Variants in JAKMIP2 observed in about 807,000 individuals in gnomAD.
JAKMIP2 encodes the protein janus kinase and microtubule-interacting protein 2.
Under a neutral mutation model 115.0 loss-of-function variants are expected in JAKMIP2, and 25 were observed. That is an observed-to-expected ratio of 0.22 (90% CI 0.16 to 0.30). The LOEUF (loss-of-function observed/expected upper bound fraction) is 0.30, where lower values mean the gene tolerates loss of function less well. Ranked by LOEUF, JAKMIP2 falls within the 10% of genes least tolerant of loss-of-function variation. The probability of loss-of-function intolerance (pLI) is 1.00; values close to 1 mark genes in which losing one functional copy is unlikely to be tolerated. For missense variants in JAKMIP2, 642 were observed against 957.6 expected, an observed-to-expected ratio of 0.67 and a Z score of 4.35; for synonymous variants, 334 against 343.6, an observed-to-expected ratio of 0.97 and a Z score of 0.31.
chr5:147,595,483 C>A (rs1238588671), intron 21 of JAKMIP2: 1 of 456,100 alleles, frequency 2.2e-6, no homozygotes, highest in African/African-American at 2.0e-5. Flanking sequence ...GACACCAGGC[C>A]CTCACCAGAC....
At chr5:147,640,657 GATTTGGTGACAAT>G in intron 9 of JAKMIP2, 34 bp downstream of exon 9, 1 of 1,595,982 alleles carries the variant, frequency 6.3e-7, no homozygotes. Flanking sequence ...TTAAATCAAA[GATTTGGTGACAAT>G]ATCACCCTAG....
intron 1 of JAKMIP2, among the ~76,000 whole-genome samples, chr5:147,681,098 T>C (rs1435323760): frequency 1.3e-5 from 2 of 152,188 alleles, no homozygotes; most frequent in Non-Finnish European, 2.9e-5. Flanking sequence ...AAGAATGCTA[T>C]ATAAATATAA....
intron 1 of JAKMIP2, among the ~76,000 whole-genome samples, chr5:147,733,544 C>T (rs1405043446): frequency 1.3e-5 from 2 of 152,104 alleles, no homozygotes; most frequent in African/African-American, 4.8e-5. Context: ...ATACATGTGC[C>T]ATGATGGTTT....
intron 1 of JAKMIP2, among the ~76,000 whole-genome samples, chr5:147,735,720 G>C (rs1753898775): frequency 6.6e-6 from 1 of 152,162 alleles, no homozygotes; most frequent in Admixed American, 6.5e-5. Context: ...ATGATTTATT[G>C]TTAATGATTA....
intron 1 of JAKMIP2, among the ~76,000 whole-genome samples, chr5:147,739,798 C>G (rs1166171060): frequency 6.6e-6 from 1 of 151,984 alleles, no homozygotes; most frequent in African/African-American, 2.4e-5. Context: ...GAGCTCTGAT[C>G]ATCCTCTGGG....
intron 5 of JAKMIP2, among the ~76,000 whole-genome samples, chr5:147,645,497 T>C (rs999492725): frequency 1.3e-5 from 2 of 152,094 alleles, no homozygotes; most frequent in African/African-American, 4.8e-5. Context: ...CGCACTACAG[T>C]TGTTATTTTA....
intron 1 of JAKMIP2, among the ~76,000 whole-genome samples, chr5:147,719,598 T>G (rs1753173879): frequency 6.6e-6 from 1 of 152,184 alleles, no homozygotes; most frequent in Non-Finnish European, 1.5e-5. Context: ...TTTACCATTA[T>G]GTAATGGCTG....
chr5:147,750,973 C>T (rs543437621), intron 1 of JAKMIP2, among the ~76,000 whole-genome samples: 37 of 152,292 alleles, frequency 2.4e-4, no homozygotes, highest in Non-Finnish European at 4.0e-4. Flanking sequence ...TTTTCTATTG[C>T]GGCAGCCCAA....
Position 147,587,750 on chromosome 5 carries a change from G to C in JAKMIP2, c.*3957C>G, listed in dbSNP as rs1225404020. 3 of 152,136 alleles carry C rather than the reference G, an allele frequency of 2.0e-5. No individual in the cohort carries two copies. Among genetic ancestry groups the C allele is most frequent in the African/African-American group, 4.8e-5 (2 of 41,440 alleles). The allele number at this position is 152,136 out of a possible 1,614,324, so 9.4% of individuals were successfully genotyped here. ...TGGGCAAAAAGGAACAAGTTTGCCA[G>C]AGATTTATTTAAAATTGAAAGCAAA... On this transcript the variant is annotated 3_prime_UTR_variant, in exon 22 of 22. Coordinates refer to ENST00000616793, the MANE Select transcript of JAKMIP2 (RefSeq NM_001270941.2).
rs1309525902 is a variant in JAKMIP2, at chr5:147,617,974, C to T, written c.2283G>A (p.Lys761=). 10 of 1,614,190 alleles carry T rather than the reference C, an allele frequency of 6.2e-6. No homozygotes were observed. The highest frequency in any genetic ancestry group is 8.5e-6 in the Non-Finnish European group (10 of 1,180,026). The stretch of plus-strand genomic sequence containing the variant: ...GAATCTGACAGTCATACTCTCTGCT[C>T]TTCCTCAGCATTTGCCGCCGTAACT... ...VEKLRRQMLR[K]SREYDCQILQ... Residue 761 remains lysine (K), a synonymous_variant, in exon 19 of 22, where the codon AAG becomes AAA. Transcript: ENST00000616793.
intron 21 of JAKMIP2, among the ~76,000 whole-genome samples, chr5:147,599,992 A>G (rs1239387812): frequency 6.6e-6 from 1 of 151,800 alleles, no homozygotes; most frequent in Non-Finnish European, 1.5e-5. Flanking sequence ...TTTTCTACCT[A>G]GTACTTACAA....
intron 10 of JAKMIP2, 77 bp from the exon 11 acceptor site, chr5:147,637,125 AAG>A (rs150089641): frequency 7.3e-3 from 5,444 of 746,194 alleles, no homozygotes; most frequent in South Asian, 0.012. Context: ...CTCAACAAGT[AAG>A]AGAGAGAGAG....
At chr5:147,618,256 T>C in intron 18 of JAKMIP2, 142 bp from the exon 19 acceptor site, 2 of 651,304 alleles carry the variant, frequency 3.1e-6, no homozygotes, top group East Asian at 5.3e-5. Flanking sequence ...TTAAAACTTC[T>C]CTAGCCTAAT....
chr5:147,742,389 G>A (rs1754183118), intron 1 of JAKMIP2, among the ~76,000 whole-genome samples: 1 of 151,880 alleles, frequency 6.6e-6, no homozygotes, highest in Non-Finnish European at 1.5e-5. Context: ...TCTGTGGCAA[G>A]GAGCAAGTTG....
chr5:147,642,663 T>C (rs1757935520), intron 7 of JAKMIP2, among the ~76,000 whole-genome samples: 2 of 143,710 alleles, frequency 1.4e-5, no homozygotes, highest in Admixed American at 1.4e-4. Context: ...GTGTTCGGGC[T>C]TTTTTTTTTT....
In JAKMIP2 at chr5:147,671,882, T is replaced by G; in HGVS notation, c.-76A>C. 1.4e-6 allele frequency: 2 copies of G among 1,425,866 alleles called. No individual in the cohort carries two copies. The highest frequency in any genetic ancestry group is 1.9e-6 in the Non-Finnish European group (2 of 1,078,358). 88.3% of individuals were successfully genotyped at this position (1,425,866 alleles called of 1,614,324 possible). A position where few individuals can be genotyped will look rare whatever the true frequency, so the allele number is the denominator to read the frequency against. Reference sequence around the variant, plus strand: ...GCTGCCATGTTACTGTTTCTTATCCTGGAGTACGATGTCTCAGCATCTACT... The same window carrying G: ...GCTGCCATGTTACTGTTTCTTATCCGGGAGTACGATGTCTCAGCATCTACT... On this transcript the variant is annotated 5_prime_UTR_variant, in exon 2 of 22. Transcript: ENST00000616793.
chr5:147,621,180 T>C (rs1476352680), intron 17 of JAKMIP2, among the ~76,000 whole-genome samples: 1 of 152,168 alleles, frequency 6.6e-6, no homozygotes, highest in Non-Finnish European at 1.5e-5. Context: ...AGGACAAAAA[T>C]AGCAACTTAA....
At chr5:147,778,643 T>C (rs1319629011) in intron 1 of JAKMIP2, among the ~76,000 whole-genome samples, 5 of 152,082 alleles carry the variant, frequency 3.3e-5, no homozygotes, top group Admixed American at 2.0e-4. Flanking sequence ...CTGATAATGA[T>C]AGAATTGAAA....
intron 1 of JAKMIP2, among the ~76,000 whole-genome samples, chr5:147,765,784 T>C (rs2127062527): frequency 6.6e-6 from 1 of 152,282 alleles, no homozygotes; most frequent in African/African-American, 2.4e-5. Context: ...TATATTTTTA[T>C]ATTTCCTTCA....
Sources: gnomAD v4.1 joint callset for allele counts (sites outside exome capture counted in the v4.1 genomes callset) on GRCh38, gnomAD v4.1.1 for gene constraint, MANE v1.5 for transcripts, NCBI Gene and HGNC (gene_info 2026-07-23, HGNC 2026-07-21) for gene names.